Variants in NELL1 observed in about 807,000 individuals in gnomAD.
NELL1 encodes protein kinase C-binding protein NELL1.
NELL1 carries 76 observed loss-of-function variants against 107.4 expected under a neutral mutation model. That is an observed-to-expected ratio of 0.71 (90% CI 0.59 to 0.86). The LOEUF (loss-of-function observed/expected upper bound fraction) is 0.86, where lower values mean the gene tolerates loss of function less well. NELL1 is among the 40% of genes least tolerant of loss of function. NELL1 has a pLI of 0.00. For synonymous variants in NELL1, 353 were observed against 341.2 expected, an observed-to-expected ratio of 1.03 and a Z score of -0.38; for missense variants, 1,024 against 1,005.5, an observed-to-expected ratio of 1.02 and a Z score of -0.25.
chr11:21,246,041 G>GTT (rs1858482831), intron 14 of NELL1, among the ~76,000 whole-genome samples: 2 of 151,918 alleles, frequency 1.3e-5, no homozygotes, highest in African/African-American at 4.8e-5. Flanking sequence ...TTGACTCAAA[G>GTT]AATGTTGAAA....
Position 21,139,915 on chromosome 11 carries a change from T to G in NELL1, c.1426+26201T>G, listed in dbSNP as rs558986636. The stretch of plus-strand genomic sequence containing the variant: ...CTGAGACCTTTCCTTTGTTCCCATT[T>G]TTTTCCTATGATTCAGCTTTATGCT... On this transcript the variant is annotated intron_variant, in intron 13 of 19. Coordinates refer to ENST00000357134, the MANE Select transcript of NELL1 (RefSeq NM_006157.5). Among the ~76,000 whole-genome samples the G allele has an allele frequency of 2.0e-5, 3 of 152,250 alleles. No homozygotes were observed. In the East Asian group the frequency reaches 5.8e-4, roughly 29 times the overall value.
At chr11:21,328,431 C>T (rs1349532589) in intron 14 of NELL1, among the ~76,000 whole-genome samples, 1 of 152,120 alleles carries the variant, frequency 6.6e-6, no homozygotes, top group Admixed American at 6.6e-5. Context: ...ATGGAAACAC[C>T]TGGATGTCCA....
intron 14 of NELL1, among the ~76,000 whole-genome samples, chr11:21,289,710 A>G (rs1849207238): frequency 6.6e-6 from 1 of 152,192 alleles, no homozygotes; most frequent in Admixed American, 6.5e-5. Flanking sequence ...CAGGTGGTCT[A>G]GCTCATTGGA....
intron 2 of NELL1, among the ~76,000 whole-genome samples, chr11:20,710,406 AT>A (rs1855082181): frequency 6.6e-6 from 1 of 152,180 alleles, no homozygotes; most frequent in Non-Finnish European, 1.5e-5. Context: ...CCACTAGAAC[AT>A]GGTGTGATAT....
intron 13 of NELL1, among the ~76,000 whole-genome samples, chr11:21,211,024 G>A (rs1321200516): frequency 6.6e-6 from 1 of 152,210 alleles, no homozygotes; most frequent in Non-Finnish European, 1.5e-5. Flanking sequence ...AATTTTAGAA[G>A]CCCAGCTATG....
chr11:21,080,828 T>G (rs1424610135), intron 12 of NELL1, among the ~76,000 whole-genome samples: 1 of 152,046 alleles, frequency 6.6e-6, no homozygotes, highest in Non-Finnish European at 1.5e-5. Context: ...ACATCTTTCT[T>G]TACATCCTCG....
chr11:21,360,214 A>T (rs1218292024), intron 14 of NELL1, among the ~76,000 whole-genome samples: 1 of 152,094 alleles, frequency 6.6e-6, no homozygotes, highest in Non-Finnish European at 1.5e-5. Context: ...ACTCAAAAAA[A>T]ATTTAAATTT....
intron 15 of NELL1, among the ~76,000 whole-genome samples, chr11:21,531,004 C>G (rs1855977725): frequency 6.6e-6 from 1 of 152,028 alleles, no homozygotes; most frequent in African/African-American, 2.4e-5. Flanking sequence ...TGTCTGTTTT[C>G]TTGGAAAATT....
intron 14 of NELL1, among the ~76,000 whole-genome samples, chr11:21,252,136 T>A (rs1858655378): frequency 6.6e-6 from 1 of 152,168 alleles, no homozygotes; most frequent in Non-Finnish European, 1.5e-5. Context: ...AGAGACTTAG[T>A]AGCTACCAAT....
intron 4 of NELL1, among the ~76,000 whole-genome samples, chr11:20,882,864 A>G (rs115812226): frequency 0.023 from 3,464 of 152,146 alleles, 136 homozygotes; most frequent in African/African-American, 0.079. Flanking sequence ...TTTAATCTCC[A>G]ACTGTTGTTC....
intron 15 of NELL1, among the ~76,000 whole-genome samples, chr11:21,516,261 ATAGTATCTGAGTACT>A (rs1483666543): frequency 6.6e-6 from 1 of 152,190 alleles, no homozygotes; most frequent in African/African-American, 2.4e-5. Context: ...TGACTAAAAC[ATAGTATCTGAGTACT>A]TAATAGGCAT....
intron 2 of NELL1, among the ~76,000 whole-genome samples, chr11:20,703,119 A>C (rs191503510): frequency 1.5e-3 from 231 of 152,234 alleles, no homozygotes; most frequent in African/African-American, 5.2e-3. Context: ...TTCAGCTGTG[A>C]ATCTGTCTGG....
chr11:20,911,905 A>C (rs531920089), intron 5 of NELL1, among the ~76,000 whole-genome samples: 49 of 152,282 alleles, frequency 3.2e-4, no homozygotes, highest in Non-Finnish European at 6.8e-4. Context: ...TTACCTCTTG[A>C]TCAATTCAAC....
At chr11:21,440,373 A>C (rs1008266877) in intron 15 of NELL1, among the ~76,000 whole-genome samples, 7 of 152,112 alleles carry the variant, frequency 4.6e-5, no homozygotes, top group African/African-American at 1.7e-4. Context: ...TAGCAACCTA[A>C]AGGTATTTTT....
chr11:20,977,358 G>A (rs990684817), intron 12 of NELL1, among the ~76,000 whole-genome samples: 5 of 150,716 alleles, frequency 3.3e-5, no homozygotes, highest in East Asian at 2.0e-4. Flanking sequence ...TCCGCCTCTC[G>A]GGTTCACACC....
intron 15 of NELL1, among the ~76,000 whole-genome samples, chr11:21,426,676 C>CA (rs1378338370): frequency 6.6e-6 from 1 of 152,130 alleles, no homozygotes; most frequent in African/African-American, 2.4e-5. Context: ...ATCTCAGTCA[C>CA]AAGTACAACA....
At chr11:20,733,432 A>C (rs556242927) in intron 2 of NELL1, among the ~76,000 whole-genome samples, 2 of 152,302 alleles carry the variant, frequency 1.3e-5, no homozygotes, top group African/African-American at 4.8e-5. Flanking sequence ...AAGCTGGACC[A>C]TGCCTAAAGA....
chr11:21,358,296 TG>T (rs1277173358), intron 14 of NELL1, among the ~76,000 whole-genome samples: 2 of 152,210 alleles, frequency 1.3e-5, no homozygotes, highest in East Asian at 3.8e-4. Flanking sequence ...TGTCTCCATT[TG>T]TTTGTGTCAT....
chr11:21,227,323 C>A (rs1857920746), intron 13 of NELL1, among the ~76,000 whole-genome samples: 1 of 152,056 alleles, frequency 6.6e-6, no homozygotes, highest in Non-Finnish European at 1.5e-5. Context: ...ATTAGTAGAG[C>A]ACCCTTTCAT....
Sources: gnomAD v4.1 joint callset for allele counts (sites outside exome capture counted in the v4.1 genomes callset) on GRCh38, gnomAD v4.1.1 for gene constraint, MANE v1.5 for transcripts, NCBI Gene and HGNC (gene_info 2026-07-23, HGNC 2026-07-21) for gene names.